The following NCAM2 variants were observed in gnomAD, a reference collection of about 807,000 sequenced individuals.
The protein encoded by NCAM2 is N-CAM-2.
Under a neutral mutation model 98.1 loss-of-function variants are expected in NCAM2, and 30 were observed. The observed-to-expected ratio is 0.31, with a 90% CI of 0.23 to 0.41. NCAM2 has a LOEUF of 0.41. NCAM2 is among the 10% of genes least tolerant of loss of function. The pLI is 1.00. For synonymous variants in NCAM2, 368 were observed against 342.4 expected (o/e 1.07, Z -0.83); for missense variants, 867 against 1,005.8 (o/e 0.86, Z 1.87).
intron 1 of NCAM2, among the ~76,000 whole-genome samples, chr21:21,095,179 A>G (rs548365162): frequency 6.6e-6 from 1 of 151,862 alleles, no homozygotes; most frequent in South Asian, 2.1e-4. Context: ...TAAATAGTAT[A>G]AATCAGCAAA....
At chr21:21,294,964 TTGAC>T (rs1357998597) in intron 5 of NCAM2, among the ~76,000 whole-genome samples, 2 of 151,858 alleles carry the variant, frequency 1.3e-5, no homozygotes, top group Non-Finnish European at 2.9e-5. Flanking sequence ...TACTTTGACT[TTGAC>T]TGCTGCCCTA....
At chr21:21,131,895 A>G (rs1249564579) in intron 1 of NCAM2, among the ~76,000 whole-genome samples, 1 of 152,216 alleles carries the variant, frequency 6.6e-6, no homozygotes, top group Non-Finnish European at 1.5e-5. Flanking sequence ...ATTTATATAA[A>G]TAGCTAAGTG....
chr21:21,382,913 A>G (rs2076190209), intron 9 of NCAM2, among the ~76,000 whole-genome samples: 1 of 151,650 alleles, frequency 6.6e-6, no homozygotes, highest in Non-Finnish European at 1.5e-5. Flanking sequence ...GAAGTCCTAT[A>G]GTTTCATCCA....
intron 1 of NCAM2, among the ~76,000 whole-genome samples, chr21:21,068,691 C>T (rs2065494800): frequency 6.6e-6 from 1 of 152,114 alleles, no homozygotes; most frequent in African/African-American, 2.4e-5. Context: ...AACTCTTGAC[C>T]TTGTGATCTG....
chr21:20,999,515 C>T (rs2063980855), intron 1 of NCAM2, among the ~76,000 whole-genome samples: 2 of 152,088 alleles, frequency 1.3e-5, no homozygotes, highest in Admixed American at 1.3e-4. Flanking sequence ...TTCAACTGTC[C>T]AGACAAGTTT....
At chr21:21,263,433 A>G (rs1333280776) in intron 1 of NCAM2, among the ~76,000 whole-genome samples, 2 of 152,160 alleles carry the variant, frequency 1.3e-5, no homozygotes, top group African/African-American at 4.8e-5. Context: ...AAATAACAAT[A>G]CTTTCCAAAG....
intron 1 of NCAM2, among the ~76,000 whole-genome samples, chr21:21,215,758 G>A (rs566581345): frequency 4.6e-5 from 7 of 151,368 alleles, no homozygotes; most frequent in South Asian, 4.2e-4. Flanking sequence ...CAGAGTAAAC[G>A]TGTGTGTGTG....
chr21:21,033,613 G>A (rs947132370), intron 1 of NCAM2, among the ~76,000 whole-genome samples: 5 of 152,076 alleles, frequency 3.3e-5, no homozygotes, highest in African/African-American at 1.2e-4. Context: ...CTTAGGGATG[G>A]CATCACAGGG....
chr21:21,314,372 A>C (rs767967836), intron 5 of NCAM2, among the ~76,000 whole-genome samples: 2 of 152,102 alleles, frequency 1.3e-5, no homozygotes, highest in Non-Finnish European at 1.5e-5. Context: ...CAGTCATGTG[A>C]ATCATTCTTC....
rs776905677 is a variant in NCAM2 at position 21,510,260 on chromosome 21, A to T, written c.2282+1205A>T. Among the ~76,000 whole-genome samples the T allele has an allele frequency of 1.8e-4, 28 of 152,162 alleles. 1 individual carries two copies. The highest frequency in any genetic ancestry group is 3.8e-4 in the Non-Finnish European group (26 of 68,004). ...TTGAAGAGTTTTGACAAATGTTTTT[A>T]TATGTGTAACACAAAGCCATATCAC... is the stretch of plus-strand genomic sequence containing the variant. On this transcript the variant is annotated intron_variant, in intron 16 of 17. Transcript: ENST00000400546.
intron 1 of NCAM2, among the ~76,000 whole-genome samples, chr21:21,169,071 T>G (rs1031487241): frequency 2.0e-5 from 3 of 152,126 alleles, no homozygotes; most frequent in African/African-American, 7.2e-5. Context: ...GACAGTGTTG[T>G]TTTGAGAAGA....
intron 1 of NCAM2, chr21:21,210,433 A>G: frequency 2.4e-6 from 2 of 839,758 alleles, no homozygotes; most frequent in Non-Finnish European, 3.1e-6. Flanking sequence ...GATATTTAAG[A>G]GCACCAGGAC....
rs958726201 is a variant in NCAM2 at position 21,542,973 on chromosome 21, C to A, written c.*5016C>A. 2.0e-5 allele frequency: 3 copies of A among 150,596 alleles called. No individual in the cohort carries two copies. The highest frequency in any genetic ancestry group is 4.4e-5 in the Non-Finnish European group (3 of 67,642). 9.3% of individuals were successfully genotyped at this position (150,596 alleles called of 1,614,324 possible). A position where few individuals can be genotyped will look rare whatever the true frequency, so the allele number is the denominator to read the frequency against. On this transcript the variant is annotated 3_prime_UTR_variant, in exon 18 of 18. Transcript: ENST00000400546. ...TCATGGTTTAGCATTTGCCTCTAAACCCTGTTAGAAATATGTGAAGTTAGA... is the reference window on the plus strand; with the variant it reads ...TCATGGTTTAGCATTTGCCTCTAAAACCTGTTAGAAATATGTGAAGTTAGA...
intron 1 of NCAM2, among the ~76,000 whole-genome samples, chr21:21,077,940 A>G (rs530282947): frequency 4.6e-5 from 7 of 152,234 alleles, no homozygotes; most frequent in African/African-American, 4.8e-5. Context: ...TGTACCAGTA[A>G]ATTTTGGAGG....
chr21:21,019,737 G>C (rs186144147), intron 1 of NCAM2, among the ~76,000 whole-genome samples: 47 of 152,214 alleles, frequency 3.1e-4, no homozygotes, highest in African/African-American at 1.0e-3. Context: ...TGTTTATCTT[G>C]AGGTAGTTAT....
intron 1 of NCAM2, among the ~76,000 whole-genome samples, chr21:21,214,671 A>G (rs971846774): frequency 4.2e-5 from 6 of 142,620 alleles, no homozygotes; most frequent in African/African-American, 1.6e-4. Context: ...GTGTGTTTTG[A>G]CTATGTGCTA....
intron 1 of NCAM2, among the ~76,000 whole-genome samples, chr21:21,200,551 C>T (rs2069175993): frequency 6.6e-6 from 1 of 151,984 alleles, no homozygotes; most frequent in South Asian, 2.1e-4. Context: ...TTTATAAAGC[C>T]TTAGAACTTT....
chr21:21,506,258 G>A (rs2146347555), intron 15 of NCAM2, among the ~76,000 whole-genome samples: 1 of 152,014 alleles, frequency 6.6e-6, no homozygotes, highest in South Asian at 2.1e-4. Context: ...TTTTTCCTGA[G>A]CTTTAGTTGT....
chr21:21,469,570 T>C (rs1460930716), intron 14 of NCAM2, among the ~76,000 whole-genome samples: 1 of 152,040 alleles, frequency 6.6e-6, no homozygotes, highest in East Asian at 1.9e-4. Flanking sequence ...ACTGAATCCA[T>C]ATTAGTGCTA....
Sources: allele counts gnomAD v4.1 joint callset (sites outside exome capture counted in the v4.1 genomes callset), GRCh38; gene constraint gnomAD v4.1.1; transcripts MANE v1.5; gene names NCBI Gene and HGNC (gene_info 2026-07-23, HGNC 2026-07-21).